FOXJ3: variants seen among roughly 807,000 people sequenced by gnomAD.
The protein encoded by FOXJ3 is forkhead box J3, also known as forkhead box protein J3.
A neutral mutation model predicts 76.1 loss-of-function variants in FOXJ3; 22 were observed. That is an observed-to-expected ratio of 0.29 (90% CI 0.21 to 0.41). The LOEUF is 0.41. Among genes scored for constraint, FOXJ3 ranks in the 10% least tolerant of loss-of-function variants. FOXJ3 has a pLI of 1.00. For synonymous variants in FOXJ3, 269 were observed against 261.2 expected (o/e 1.03, Z -0.29); for missense variants, 613 against 762.1 (o/e 0.80, Z 2.30).
At position 42,335,147 on chromosome 1, in the gene FOXJ3, A is replaced by C. The variant is rs1057161474; in HGVS notation, c.-106T>G. The C allele has an allele frequency of 2.6e-5, 4 of 152,098 alleles. No individual in the cohort carries two copies. Among genetic ancestry groups the C allele is most frequent in the Non-Finnish European group, 5.9e-5 (4 of 68,084 alleles). The allele number at this position is 152,098 out of a possible 1,614,324, so 9.4% of individuals were successfully genotyped here. On this transcript the variant is annotated 5_prime_UTR_variant, in exon 1 of 13. An upstream open reading frame in the 5' UTR loses its in-frame stop. Transcript: ENST00000361346. ...CCCGGGAAAGGTCCCAACGGTGCCT[A>C]CTGCGAGCGGTCGAGGCCCCGAGCA...
chr1:42,272,781 A>C (rs184531371), intron 3 of FOXJ3, among the ~76,000 whole-genome samples: 1 of 152,334 alleles, frequency 6.6e-6, no homozygotes, highest in Admixed American at 6.5e-5. Context: ...GGAAAACAAT[A>C]CTCGAACTTT....
chr1:42,275,378 C>T (rs1368882208), intron 3 of FOXJ3, among the ~76,000 whole-genome samples: 1 of 152,146 alleles, frequency 6.6e-6, no homozygotes, highest in Non-Finnish European at 1.5e-5. Flanking sequence ...CTTGTTAATT[C>T]CTATGTAAGA....
At chr1:42,317,937 TCCC>T (rs1415275049) in intron 1 of FOXJ3, among the ~76,000 whole-genome samples, 1 of 152,272 alleles carries the variant, frequency 6.6e-6, no homozygotes, top group African/African-American at 2.4e-5. Flanking sequence ...TTTTTATTTC[TCCC>T]CCATCAGAAT....
intron 4 of FOXJ3, among the ~76,000 whole-genome samples, chr1:42,241,116 G>A (rs1649105574): frequency 6.6e-6 from 1 of 152,268 alleles, no homozygotes; most frequent in Non-Finnish European, 1.5e-5. Flanking sequence ...ATAAGTGAGT[G>A]ATTCCCAGAG....
chr1:42,283,519 A>T (rs1295100830), intron 2 of FOXJ3, among the ~76,000 whole-genome samples: 1 of 152,222 alleles, frequency 6.6e-6, no homozygotes, highest in African/African-American at 2.4e-5. Context: ...ACCGTATCAA[A>T]AAGGGGGGCA....
chr1:42,255,743 C>T (rs1250021633), intron 4 of FOXJ3, among the ~76,000 whole-genome samples: 5 of 152,286 alleles, frequency 3.3e-5, no homozygotes, highest in Non-Finnish European at 4.4e-5. Context: ...AAATTAAGTG[C>T]CGGATGTGGT....
At chr1:42,181,828 C>T (rs952845228) in intron 12 of FOXJ3, 89 bp downstream of exon 12, 5 of 775,574 alleles carry the variant, frequency 6.4e-6, no homozygotes, top group African/African-American at 1.8e-5. Context: ...CACACACACA[C>T]TCTCTCTCTC....
intron 4 of FOXJ3, among the ~76,000 whole-genome samples, chr1:42,247,274 C>A (rs1367058948): frequency 1.3e-5 from 2 of 151,850 alleles, no homozygotes; most frequent in Admixed American, 1.3e-4. Context: ...ACAAGTACCC[C>A]ATAAAAATGC....
chr1:42,329,004 T>C lies in FOXJ3; in HGVS notation c.-18+6055A>G, dbSNP rs138446323. Among the ~76,000 whole-genome samples the C allele has an allele frequency of 3.6e-4, 55 of 152,316 alleles. No homozygotes were observed. In the East Asian group the frequency reaches 8.3e-3, roughly 23 times the overall value. On this transcript the variant is annotated intron_variant, in intron 1 of 12. Transcript: ENST00000361346. The stretch of plus-strand genomic sequence containing the variant: ...TTTTATCTTGTTATAGCACTAAAGT[T>C]TGACACTGTATGAGTCTCATTTCCT...
At chr1:42,205,982 G>T in intron 5 of FOXJ3, 119 bp from the exon 6 acceptor site, 3 of 616,910 alleles carry the variant, frequency 4.9e-6, no homozygotes, top group South Asian at 2.2e-5. Context: ...TTCTGAAAAT[G>T]AATTTAAATC....
intron 6 of FOXJ3, among the ~76,000 whole-genome samples, chr1:42,204,524 C>G (rs574993706): frequency 6.6e-6 from 1 of 152,288 alleles, no homozygotes; most frequent in South Asian, 2.1e-4. Context: ...TAGACTACAG[C>G]ACAGAGCAGT....
chr1:42,324,230 ATATATACACAC>A (rs1655679588), intron 1 of FOXJ3, among the ~76,000 whole-genome samples: 3 of 105,250 alleles, frequency 2.9e-5, no homozygotes, highest in Non-Finnish European at 5.9e-5. Flanking sequence ...AATTCTAGGA[ATATATACACAC>A]TATATATACA....
At chr1:42,291,638 AG>A (rs1653442908) in intron 2 of FOXJ3, among the ~76,000 whole-genome samples, 1 of 151,928 alleles carries the variant, frequency 6.6e-6, no homozygotes, top group Admixed American at 6.6e-5. Flanking sequence ...TCATCTCTAA[AG>A]AAAAAAAAAA....
chr1:42,291,070 A>G (rs1316512666), intron 2 of FOXJ3, among the ~76,000 whole-genome samples: 1 of 148,580 alleles, frequency 6.7e-6, no homozygotes, highest in Non-Finnish European at 1.5e-5. Flanking sequence ...AGATAGATAG[A>G]TAGATAGATA....
intron 5 of FOXJ3, 40 bp downstream of exon 5, chr1:42,227,843 T>G (rs1052319827): frequency 1.8e-6 from 2 of 1,105,866 alleles, no homozygotes; most frequent in African/African-American, 1.5e-5. Context: ...TTCAGACATA[T>G]TCAATGCATT....
At chr1:42,197,728 G>C (rs1646680212) in intron 7 of FOXJ3, among the ~76,000 whole-genome samples, 1 of 151,542 alleles carries the variant, frequency 6.6e-6, no homozygotes, top group African/African-American at 2.4e-5. Flanking sequence ...GCCCAGGCTG[G>C]AGTGGAGTGA....
At position 42,194,919 on chromosome 1, in the gene FOXJ3, G is replaced by T; in HGVS notation, c.905C>A (p.Ser302Ter). ...TTGACTAAGTGACTGCTCAAAAACTGACTTATAAAGGCTCCGAAATGAGGC... is the reference window on the plus strand; with the variant it reads ...TTGACTAAGTGACTGCTCAAAAACTTACTTATAAAGGCTCCGAAATGAGGC... ...LSASFRSLYK[S>*]VFEQSLSQQG... Residue 302 changes from serine (S) to a stop codon, truncating the protein, a stop_gained, in exon 8 of 13, where the codon TCA (serine) becomes TAA (stop). Transcript: ENST00000361346. LOFTEE classifies it high-confidence loss of function. 1 of 1,603,134 alleles carries T rather than the reference G, an allele frequency of 6.2e-7. No homozygotes were observed. Among genetic ancestry groups the T allele is most frequent in the South Asian group, 1.1e-5 (1 of 87,976 alleles).
chr1:42,265,738 A>G (rs569561920), intron 3 of FOXJ3, among the ~76,000 whole-genome samples: 9 of 152,306 alleles, frequency 5.9e-5, no homozygotes, highest in African/African-American at 1.9e-4. Flanking sequence ...TCACTGCTCT[A>G]TTACAAAAAA....
rs1286023650 is a variant in FOXJ3, at chr1:42,179,811, T to C, written c.1768A>G (p.Met590Val). Reference sequence around the variant, plus strand: ...GAAGGCATCATGTGCTGCTGGTTCATGGCTCTGTGATGGCCTGGAAGGAAA... The same window carrying C: ...GAAGGCATCATGTGCTGCTGGTTCACGGCTCTGTGATGGCCTGGAAGGAAA... ...GTTMAGHHRA[M>V]NQQHMMPSQA... The change falls in exon 13 of 13, where the codon ATG (methionine) becomes GTG (valine). Residue 590 changes from methionine (M) to valine (V), a missense_variant. Transcript: ENST00000361346. The C allele has an allele frequency of 3.7e-6, 6 of 1,613,514 alleles. No homozygotes were observed. Among genetic ancestry groups the C allele is most frequent in the Middle Eastern group, 1.7e-4 (1 of 6,058 alleles).
Sources: gnomAD v4.1 joint callset for allele counts (sites outside exome capture counted in the v4.1 genomes callset) on GRCh38, gnomAD v4.1.1 for gene constraint, MANE v1.5 for transcripts, NCBI Gene and HGNC (gene_info 2026-07-23, HGNC 2026-07-21) for gene names.